DHRS11: variants seen among roughly 807,000 people sequenced by gnomAD.
DHRS11 encodes the protein dehydrogenase/reductase 11.
In DHRS11, 18 loss-of-function variants were observed where a neutral mutation model predicts 30.7. The observed-to-expected ratio is 0.59, with a 90% CI of 0.41 to 0.87. The LOEUF is 0.87. Ranked by LOEUF, DHRS11 falls within the 40% of genes least tolerant of loss-of-function variation. The probability of loss-of-function intolerance (pLI) is 0.00; values close to 1 mark genes in which losing one functional copy is unlikely to be tolerated. For synonymous variants in DHRS11, 123 were observed against 139.6 expected (o/e 0.88, Z 0.84); for missense variants, 300 against 349.0 (o/e 0.86, Z 1.12).
rs1171746830 is a variant in DHRS11 at position 36,599,993 on chromosome 17, G to A, written c.697G>A (p.Ala233Thr). Reference sequence around the variant, plus strand: ...TCAGTGTCTCAAACCCGAGGATGTGGCCGAGGCTGTTATCTACGTCCTCAG... The same window carrying A: ...TCAGTGTCTCAAACCCGAGGATGTGACCGAGGCTGTTATCTACGTCCTCAG... ...QMKCLKPEDV[A>T]EAVIYVLSTP... is the part of the protein sequence containing the mutation. The change falls in exon 6 of 7, where the codon GCC becomes ACC. Residue 233 changes from alanine (A) to threonine (T), a missense_variant. By Grantham distance (58) the Ala-to-Thr change is moderately conservative. Coordinates refer to ENST00000618403, the MANE Select transcript of DHRS11 (RefSeq NM_024308.4). 1 of 1,613,726 alleles carries A rather than the reference G, an allele frequency of 6.2e-7. No individual in the cohort carries two copies. Among genetic ancestry groups the A allele is most frequent in the Non-Finnish European group, 8.5e-7 (1 of 1,179,902 alleles).
At chr17:36,595,326 T>C in intron 2 of DHRS11, 146 bp downstream of exon 2, 6 of 776,360 alleles carry the variant, frequency 7.7e-6, no homozygotes, top group Non-Finnish European at 8.3e-6. Flanking sequence ...TGACTCTCTC[T>C]TGGCTTCTTG....
chr17:36,594,291 GTGTAGAAGCATGAAGTGGT>G (rs944689406), intron 1 of DHRS11, among the ~76,000 whole-genome samples: 1 of 152,192 alleles, frequency 6.6e-6, no homozygotes, highest in Non-Finnish European at 1.5e-5. Context: ...CTCGGGACTG[GTGTAGAAGCATGAAGTGGT>G]GGAGAGGCGC....
intron 1 of DHRS11, among the ~76,000 whole-genome samples, chr17:36,593,619 G>A (rs1228220527): frequency 1.3e-5 from 2 of 152,202 alleles, no homozygotes; most frequent in East Asian, 3.8e-4. Context: ...GATCAAATGT[G>A]GGTAAAATCT....
intron 2 of DHRS11, chr17:36,597,926 T>C (rs2074824048): frequency 3.4e-6 from 2 of 586,232 alleles, no homozygotes; most frequent in East Asian, 2.9e-5. Context: ...TTGCAGGAAC[T>C]TGGGGGGTCA....
chr17:36,594,326 A>G (rs575022791), intron 1 of DHRS11, among the ~76,000 whole-genome samples: 1 of 152,168 alleles, frequency 6.6e-6, no homozygotes, highest in African/African-American at 2.4e-5. Context: ...GGCGCATATT[A>G]CCTATGGGCA....
intron 4 of DHRS11, 167 bp downstream of exon 4, chr17:36,599,217 T>C: frequency 9.5e-7 from 1 of 1,049,860 alleles, no homozygotes; most frequent in Non-Finnish European, 1.3e-6. Context: ...ATGCAGCCCT[T>C]CATTTCCTCA....
At chr17:36,599,084 G>A in intron 4 of DHRS11, 34 bp downstream of exon 4, 1 of 1,602,220 alleles carries the variant, frequency 6.2e-7, no homozygotes, top group Non-Finnish European at 8.5e-7. Flanking sequence ...TGGGCACAGG[G>A]TGGCGCAGGC....
chr17:36,599,652 GC>G lies in DHRS11; in HGVS notation c.583-16del, dbSNP rs891914038. On this transcript the variant is annotated intron_variant, in intron 4 of 6. Transcript: ENST00000618403. ...CTGGCAAAGCTCAGCCCCTGAGAAG[GC>G]CCTCTCTGTTGGCCCAGTGCATCTC... is the stretch of plus-strand genomic sequence containing the variant. The G allele has an allele frequency of 6.2e-7, 1 of 1,613,796 alleles. No homozygotes were observed. The highest frequency in any genetic ancestry group is 1.3e-5 in the African/African-American group (1 of 74,902).
At chr17:36,598,070 A>G (rs1377309745) in intron 2 of DHRS11, 93 bp from the exon 3 acceptor site, 1 of 1,319,086 alleles carries the variant, frequency 7.6e-7, no homozygotes, top group East Asian at 2.3e-5. Context: ...TTGGAATGCC[A>G]CACTGCCCCC....
At chr17:36,598,550 CTATG>C in intron 3 of DHRS11, 1 of 533,794 alleles carries the variant, frequency 1.9e-6, no homozygotes, top group Admixed American at 3.4e-5. Flanking sequence ...ACAAAGAGTA[CTATG>C]TACAGTGTCT....
rs2074770518 is a variant in DHRS11, at chr17:36,591,995, G to A, written c.-15G>A. Reference sequence around the variant, plus strand: ...GTCGGGCTAGTCCAGCGAGGCGGACGGGCGGCGTGGGCCCATGGCCAGGCC... The same window carrying A: ...GTCGGGCTAGTCCAGCGAGGCGGACAGGCGGCGTGGGCCCATGGCCAGGCC... On this transcript the variant is annotated 5_prime_UTR_variant, in exon 1 of 7. Coordinates refer to ENST00000618403, the MANE Select transcript of DHRS11 (RefSeq NM_024308.4). 20 of 1,225,140 alleles carry A rather than the reference G, an allele frequency of 1.6e-5. No individual in the cohort carries two copies. In the Admixed American group the frequency reaches 3.8e-4, roughly 24 times the overall value. The allele number at this position is 1,225,140 out of a possible 1,614,324, so 75.9% of individuals were successfully genotyped here. A position where few individuals can be genotyped will look rare whatever the true frequency, so the allele number is the denominator to read the frequency against.
chr17:36,594,874 T>C (rs2074796141), intron 1 of DHRS11, 97 bp from the exon 2 acceptor site: 5 of 1,280,056 alleles, frequency 3.9e-6, no homozygotes, highest in Non-Finnish European at 5.6e-6. Flanking sequence ...CAAAGGAGCA[T>C]GTTTTATGAG....
rs3216914 is a variant in DHRS11, at chr17:36,600,156, CCA to C, written c.742-3_742-2del. On this transcript the variant is annotated splice_region_variant and splice_polypyrimidine_tract_variant and intron_variant, in intron 6 of 6. Transcript: ENST00000618403. ...ACAGCTGCCTCATGCCTTGTACCTTCCACAGATTGGAGACATCCAGATGAGGC... is the reference window on the plus strand; with the variant it reads ...ACAGCTGCCTCATGCCTTGTACCTTCCAGATTGGAGACATCCAGATGAGGC... The C allele has an allele frequency of 0.38, 608,385 of 1,613,532 alleles. 118,969 individuals carry two copies. Among genetic ancestry groups the C allele is most frequent in the Non-Finnish European group, 0.41 (478,918 of 1,179,672 alleles).
chr17:36,599,830 C>A (rs961846942), intron 5 of DHRS11, 67 bp downstream of exon 5: 1 of 1,601,608 alleles, frequency 6.2e-7, no homozygotes, highest in African/African-American at 1.3e-5. Context: ...GAAGCTCGGC[C>A]TTCAGACTCC....
At position 36,598,152 on chromosome 17, in the gene DHRS11, C is replaced by T. The variant is rs1327785046; in HGVS notation, c.358-11C>T. The T allele has an allele frequency of 1.2e-6, 2 of 1,613,766 alleles. No homozygotes were observed. The highest frequency in any genetic ancestry group is 3.3e-5 in the Admixed American group (2 of 59,994). ...GAGTGGAGACACCTCATTGCCCTCC[C>T]TGGCCTGCAGGTGAACGTGCTGGCC... On this transcript the variant is annotated splice_polypyrimidine_tract_variant and intron_variant, in intron 2 of 6. Coordinates refer to ENST00000618403, the MANE Select transcript of DHRS11 (RefSeq NM_024308.4).
chr17:36,598,841 G>C (rs2074832122), intron 3 of DHRS11, 80 bp from the exon 4 acceptor site: 2 of 1,533,594 alleles, frequency 1.3e-6, no homozygotes, highest in Non-Finnish European at 1.8e-6. Context: ...GGGTGGTGGG[G>C]CTGACCGGGT....
Position 36,592,304 on chromosome 17 carries a change from A to C in DHRS11, c.147+148A>C. ...GGCTTCTCCCTTCCCCTTAAGTCTC[A>C]TCTTTGAAGGAGCCGTTTGCCCTGA... On this transcript the variant is annotated intron_variant, in intron 1 of 6. Transcript: ENST00000618403. This position sits in a 1 kb window ranked among gnomAD's most constrained non-coding sequence, Gnocchi z 4.4. 2 of 1,073,970 alleles carry C rather than the reference A, an allele frequency of 1.9e-6. No individual in the cohort carries two copies. Among genetic ancestry groups the C allele is most frequent in the Non-Finnish European group, 2.4e-6 (2 of 845,724 alleles). 66.5% of individuals were successfully genotyped at this position (1,073,970 alleles called of 1,614,324 possible).
rs1330300968 is a variant in DHRS11 at position 36,595,086 on chromosome 17, A to G, written c.263A>G (p.His88Arg). 1.2e-6 allele frequency: 2 copies of G among 1,614,204 alleles called. No individual in the cohort carries two copies. The highest frequency in any genetic ancestry group is 1.7e-6 in the Non-Finnish European group (2 of 1,180,044). The change falls in exon 2 of 7, where the codon CAC becomes CGC. Residue 88 changes from histidine to arginine, a missense_variant. Transcript: ENST00000618403. Reference protein sequence around the residue: ...LSMFSAIRSQHSGVDICINNA... With the variant: ...LSMFSAIRSQRSGVDICINNA... ...ATGTTCTCAGCTATCCGTTCTCAGC[A>G]CAGCGGTGTAGACATCTGCATCAAC...
At chr17:36,593,464 A>T (rs1024981530) in intron 1 of DHRS11, among the ~76,000 whole-genome samples, 3 of 152,158 alleles carry the variant, frequency 2.0e-5, no homozygotes, top group Non-Finnish European at 4.4e-5. Context: ...TTGAGTCTAG[A>T]GGAGGAAGCG....
Sources: allele counts gnomAD v4.1 joint callset (sites outside exome capture counted in the v4.1 genomes callset), GRCh38; gene constraint gnomAD v4.1.1; non-coding constraint Gnocchi (gnomAD v3.1); transcripts MANE v1.5; gene names NCBI Gene and HGNC (gene_info 2026-07-23, HGNC 2026-07-21).